SLC5A4: variants seen among roughly 807,000 people sequenced by gnomAD.
SLC5A4 encodes probable glucose sensor protein SLC5A4.
SLC5A4 carries 55 observed loss-of-function variants against 70.3 expected under a neutral mutation model. That is an observed-to-expected ratio of 0.78 (90% CI 0.63 to 0.98). SLC5A4 has a LOEUF of 0.98. Among genes scored for constraint, SLC5A4 ranks in the 50% least tolerant of loss-of-function variants. SLC5A4 has a pLI of 0.00. For missense variants in SLC5A4, 735 were observed against 839.2 expected, an observed-to-expected ratio of 0.88 and a Z score of 1.53; for synonymous variants, 268 against 305.7, an observed-to-expected ratio of 0.88 and a Z score of 1.29.
chr22:32,280,489 C>T, the SLC5A4 span, among the ~76,000 whole-genome samples: 8 of 152,180 alleles, frequency 5.3e-5, no homozygotes, highest in Non-Finnish European at 1.0e-4. Flanking sequence ...TCAATGTCAA[C>T]TAATGCAAAA....
intron 5 of SLC5A4, among the ~76,000 whole-genome samples, chr22:32,245,567 C>T (rs1017616373): frequency 6.6e-6 from 1 of 152,186 alleles, no homozygotes; most frequent in Non-Finnish European, 1.5e-5. Flanking sequence ...TGTCACTAGG[C>T]CGGAGTGCAG....
the SLC5A4 span, among the ~76,000 whole-genome samples, chr22:32,293,966 T>C: frequency 6.6e-6 from 1 of 152,158 alleles, no homozygotes; most frequent in African/African-American, 2.4e-5. Context: ...ACTTTTACTG[T>C]AGTTTGTAAG....
the SLC5A4 span, among the ~76,000 whole-genome samples, chr22:32,350,734 A>G: frequency 6.6e-6 from 1 of 152,226 alleles, no homozygotes; most frequent in African/African-American, 2.4e-5. Context: ...AGTGGTACTT[A>G]GGCATATTTT....
chr22:32,270,620 C>A, the SLC5A4 span: 1 of 735,028 alleles, frequency 1.4e-6, no homozygotes, highest in Non-Finnish European at 2.5e-6. Context: ...CAGGGCCCCA[C>A]GGTCTTTGCC....
chr22:32,333,778 A>C, the SLC5A4 span, among the ~76,000 whole-genome samples: 1 of 147,828 alleles, frequency 6.8e-6, no homozygotes, highest in Non-Finnish European at 1.5e-5. Context: ...AATACACATA[A>C]ACACACACAC....
At chr22:32,303,422 G>A in the SLC5A4 span, among the ~76,000 whole-genome samples, 869 of 152,268 alleles carry the variant, frequency 5.7e-3, 9 homozygotes, top group African/African-American at 0.02. Context: ...TAGAGTAGCC[G>A]CCACTTCTAC....
intron 2 of SLC5A4, among the ~76,000 whole-genome samples, chr22:32,253,516 A>C (rs572477522): frequency 1.3e-5 from 2 of 152,358 alleles, no homozygotes; most frequent in Non-Finnish European, 2.9e-5. Flanking sequence ...GCATCAGCTC[A>C]GGACTGGCAA....
At chr22:32,229,095 A>G in intron 11 of SLC5A4, 99 bp downstream of exon 11, 1 of 1,120,522 alleles carries the variant, frequency 8.9e-7, no homozygotes. Flanking sequence ...CCCAGATGCT[A>G]TGATTACTTT....
rs1462408923 is a variant in SLC5A4, at chr22:32,241,754, A to G, written c.478-2664T>C. 3.3e-5 allele frequency among the ~76,000 whole-genome samples: 5 copies of G among 151,780 alleles called. No homozygotes were observed. The East Asian group carries it at 9.6e-4, about 29-fold the overall frequency. On this transcript the variant is annotated intron_variant, in intron 5 of 14. Transcript: ENST00000266086. The stretch of plus-strand genomic sequence containing the variant: ...TTTTTGATGCATTATAGGATTGAGC[A>G]AACAAATTTTACATATATATATGTG...
At chr22:32,335,398 G>A in the SLC5A4 span, among the ~76,000 whole-genome samples, 1 of 152,188 alleles carries the variant, frequency 6.6e-6, no homozygotes, top group African/African-American at 2.4e-5. Context: ...CCTCAAATGA[G>A]GGGTAAGTGA....
At chr22:32,319,163 C>T in the SLC5A4 span, among the ~76,000 whole-genome samples, 2 of 152,186 alleles carry the variant, frequency 1.3e-5, no homozygotes, top group South Asian at 4.1e-4. Context: ...ATTGGCTCTC[C>T]TGGCTCTCAG....
chr22:32,336,663 C>T, the SLC5A4 span, among the ~76,000 whole-genome samples: 12 of 152,346 alleles, frequency 7.9e-5, no homozygotes, highest in South Asian at 1.2e-3. Flanking sequence ...ATCTAAACTC[C>T]AAATAGCTGT....
intron 6 of SLC5A4, among the ~76,000 whole-genome samples, chr22:32,238,078 C>A (rs1019549681): frequency 2.6e-5 from 4 of 152,128 alleles, no homozygotes; most frequent in Non-Finnish European, 4.4e-5. Flanking sequence ...GTAACAGGAA[C>A]TGTTGGAAGA....
the SLC5A4 span, among the ~76,000 whole-genome samples, chr22:32,314,740 T>A: frequency 6.6e-6 from 1 of 152,278 alleles, no homozygotes; most frequent in African/African-American, 2.4e-5. Context: ...CAGTTCCACA[T>A]GGCTGGGGAG....
chr22:32,312,809 C>CA, the SLC5A4 span, among the ~76,000 whole-genome samples: 5 of 152,056 alleles, frequency 3.3e-5, no homozygotes, highest in African/African-American at 9.7e-5. Flanking sequence ...TGAGGCACAG[C>CA]AAAAGGGTTT....
chr22:32,224,405 C>T lies in SLC5A4; in HGVS notation c.1527G>A (p.Gly509=), dbSNP rs1925274528. 2 of 1,614,076 alleles carry T rather than the reference C, an allele frequency of 1.2e-6. No homozygotes were observed. The highest frequency in any genetic ancestry group is 1.7e-6 in the Non-Finnish European group (2 of 1,179,962). Residue 509 remains glycine, a synonymous_variant, in exon 13 of 15, where the codon GGG becomes GGA. Transcript: ENST00000266086. ...GACAGTTACTGGGAGCCAAGCAACT[C>T]CCTGTTCCATAAGCAAACTCTGTTA... is the stretch of plus-strand genomic sequence containing the variant. The part of the protein sequence containing the change: ...RMITEFAYGT[G]SCLAPSNCPK...
chr22:32,339,084 A>ATTTAG, the SLC5A4 span, among the ~76,000 whole-genome samples: 2 of 152,228 alleles, frequency 1.3e-5, no homozygotes, highest in African/African-American at 4.8e-5. Flanking sequence ...AAGGTCAGGT[A>ATTTAG]AAATCGCAGG....
chr22:32,345,435 A>G, the SLC5A4 span, among the ~76,000 whole-genome samples: 1 of 152,180 alleles, frequency 6.6e-6, no homozygotes, highest in African/African-American at 2.4e-5. Flanking sequence ...CTTTCTGTTC[A>G]ATTGATTTCT....
the SLC5A4 span, among the ~76,000 whole-genome samples, chr22:32,324,253 ATACACACATATATGTATATATAT>A: frequency 6.2e-5 from 8 of 129,350 alleles, no homozygotes; most frequent in Admixed American, 2.7e-4. Flanking sequence ...ATGTGTATAT[ATACACACATATATGTATATATAT>A]ATACACACAT....
Sources: gnomAD v4.1 joint callset for allele counts (sites outside exome capture counted in the v4.1 genomes callset) on GRCh38, gnomAD v4.1.1 for gene constraint, MANE v1.5 for transcripts, NCBI Gene and HGNC (gene_info 2026-07-23, HGNC 2026-07-21) for gene names.